C1GALT1: variants seen among roughly 807,000 people sequenced by gnomAD.
C1GALT1 encodes glycoprotein-N-acetylgalactosamine 3-beta-galactosyltransferase 1.
In C1GALT1, 11 loss-of-function variants were observed where a neutral mutation model predicts 31.0. That is an observed-to-expected ratio of 0.36 (90% CI 0.22 to 0.59). The LOEUF (loss-of-function observed/expected upper bound fraction) is 0.59, where lower values mean the gene tolerates loss of function less well. Among genes scored for constraint, C1GALT1 ranks in the 20% least tolerant of loss-of-function variants. C1GALT1 has a pLI of 0.79. For synonymous variants in C1GALT1, 175 were observed against 143.6 expected (o/e 1.22, Z -1.56); for missense variants, 424 against 425.2 (o/e 1.00, Z 0.03).
intron 1 of C1GALT1, among the ~76,000 whole-genome samples, chr7:7,183,083 C>G (rs1188968961): frequency 2.6e-5 from 4 of 152,164 alleles, no homozygotes; most frequent in Admixed American, 1.3e-4. Flanking sequence ...ATGTACCCTC[C>G]TCTTCGTCGT....
At chr7:7,157,930 G>C (rs922339026) in intron 2 of C1GALT1, among the ~76,000 whole-genome samples, 1 of 152,094 alleles carries the variant, frequency 6.6e-6, no homozygotes, top group Non-Finnish European at 1.5e-5. Context: ...GTTTCAAATT[G>C]TTCTTTATAT....
At chr7:7,198,484 C>T (rs1235610847) in intron 1 of C1GALT1, among the ~76,000 whole-genome samples, 2 of 152,180 alleles carry the variant, frequency 1.3e-5, no homozygotes, top group Non-Finnish European at 2.9e-5. Flanking sequence ...GGATATTGGT[C>T]TAAAATTCTC....
At chr7:7,188,170 A>G (rs1309763527) in intron 1 of C1GALT1, among the ~76,000 whole-genome samples, 5 of 152,180 alleles carry the variant, frequency 3.3e-5, no homozygotes, top group Non-Finnish European at 7.4e-5. Flanking sequence ...AAGACTTGGT[A>G]ATTGGATTTG....
intron 3 of C1GALT1, among the ~76,000 whole-genome samples, chr7:7,239,600 T>C (rs1200692256): frequency 6.6e-6 from 1 of 152,188 alleles, no homozygotes; most frequent in African/African-American, 2.4e-5. Context: ...TTAGTTGTTG[T>C]AATTACAACA....
intron 1 of C1GALT1, among the ~76,000 whole-genome samples, chr7:7,209,228 C>T (rs1374893254): frequency 6.6e-6 from 1 of 152,156 alleles, no homozygotes; most frequent in African/African-American, 2.4e-5. Flanking sequence ...GAAACGTGAC[C>T]TTCCATTATA....
chr7:7,228,847 G>A (rs759384971), intron 1 of C1GALT1, among the ~76,000 whole-genome samples: 1 of 152,160 alleles, frequency 6.6e-6, no homozygotes, highest in South Asian at 2.1e-4. Context: ...CAGGATAGAT[G>A]CCTTGCTTAA....
chr7:7,169,595 C>A (rs1353314940), intron 2 of C1GALT1, among the ~76,000 whole-genome samples: 3 of 151,108 alleles, frequency 2.0e-5, no homozygotes, highest in Non-Finnish European at 4.4e-5. Context: ...AATGGTACAT[C>A]ATTGTTGTTT....
chr7:7,242,210 C>CTTTTTTTTTTTTTTTTTTTTTTTTTTTTT (rs79025784), intron 3 of C1GALT1, among the ~76,000 whole-genome samples: 1 of 132,286 alleles, frequency 7.6e-6, no homozygotes. Flanking sequence ...TGAAATTTCA[C>CTTTTTTTTTTTTTTTTTTTTTTTTTTTTT]TTTTTTTTTT....
chr7:7,238,444 A>G lies in C1GALT1; in HGVS notation c.410A>G (p.Lys137Arg), dbSNP rs771348475. ...TTCCCTGCTGTGGGACTGAAAACCA[A>G]AGAAGGCAGAGATCAACTATACTGG... ...KDFPAVGLKTKEGRDQLYWKT... is the reference protein window; with the variant it reads ...KDFPAVGLKTREGRDQLYWKT... The change falls in exon 3 of 4, where the codon AAA (lysine) becomes AGA (arginine). Residue 137 changes from lysine to arginine, a missense_variant. Lys to Arg is a conservative substitution (Grantham distance 26). Around this residue, in one of 3 missense-constraint regions of C1GALT1, gnomAD observed 189 missense variants for 158.2 expected, o/e 1.19. Transcript: ENST00000436587. This position sits in a 1 kb window ranked among gnomAD's most constrained non-coding sequence, Gnocchi z 5.2. 1 of 1,613,908 alleles carries G rather than the reference A, an allele frequency of 6.2e-7. No individual in the cohort carries two copies. Among genetic ancestry groups the G allele is most frequent in the Non-Finnish European group, 8.5e-7 (1 of 1,179,946 alleles).
intron 1 of C1GALT1, among the ~76,000 whole-genome samples, chr7:7,215,909 G>A (rs1782216302): frequency 6.6e-6 from 1 of 152,036 alleles, no homozygotes; most frequent in South Asian, 2.1e-4. Flanking sequence ...CTTGCCTAAG[G>A]TCCTGCAATG....
intron 1 of C1GALT1, among the ~76,000 whole-genome samples, chr7:7,226,480 G>T (rs763902948): frequency 6.6e-6 from 1 of 152,108 alleles, no homozygotes; most frequent in Non-Finnish European, 1.5e-5. Flanking sequence ...TTAAAATCTT[G>T]GTGAAAGAAT....
intron 1 of C1GALT1, among the ~76,000 whole-genome samples, chr7:7,214,454 G>A (rs1489110068): frequency 6.6e-6 from 1 of 152,148 alleles, no homozygotes; most frequent in African/African-American, 2.4e-5. Context: ...AGCCTTTTAA[G>A]TATACCTATA....
At chr7:7,220,836 A>G (rs1171766297) in intron 1 of C1GALT1, among the ~76,000 whole-genome samples, 1 of 152,044 alleles carries the variant, frequency 6.6e-6, no homozygotes, top group African/African-American at 2.4e-5. Context: ...CTTCCCTCAC[A>G]CTTGTTGCAT....
chr7:7,188,769 C>T (rs1780930502), intron 1 of C1GALT1, among the ~76,000 whole-genome samples: 1 of 144,758 alleles, frequency 6.9e-6, no homozygotes, highest in Admixed American at 6.8e-5. Context: ...AAAAAATAAA[C>T]CTTTTATCTT....
chr7:7,182,870 C>G (rs1009872210), intron 1 of C1GALT1, 50 bp downstream of exon 1: 11 of 983,438 alleles, frequency 1.1e-5, no homozygotes, highest in Non-Finnish European at 1.3e-5. Flanking sequence ...GTCTCGTCTC[C>G]CCTCGCCCTC....
In C1GALT1 at chr7:7,243,631, ATACAGATATCAACCTACCT is replaced by A; in HGVS notation, c.1000_1018del (p.Arg334LeufsTer5). On this transcript the variant is annotated frameshift_variant, in exon 4 of 4. Coordinates refer to ENST00000436587, the MANE Select transcript of C1GALT1 (RefSeq NM_020156.5). LOFTEE classifies it high-confidence loss of function. ...ATCATCTTCGTCCATATGGTTATTT[ATACAGATATCAACCTACCT>A]TACCTGAACGTATACTAAAGGAAAT... is the stretch of plus-strand genomic sequence containing the variant. 2 of 1,612,528 alleles carry A rather than the reference ATACAGATATCAACCTACCT, an allele frequency of 1.2e-6. No homozygotes were observed. Among genetic ancestry groups the A allele is most frequent in the Non-Finnish European group, 1.7e-6 (2 of 1,179,226 alleles).
chr7:7,192,249 C>G (rs1412777093), intron 1 of C1GALT1, among the ~76,000 whole-genome samples: 2 of 151,900 alleles, frequency 1.3e-5, no homozygotes, highest in African/African-American at 4.8e-5. Context: ...CTCACCCAAG[C>G]AGTGTACACA....
intron 1 of C1GALT1, among the ~76,000 whole-genome samples, 180 bp downstream of exon 1, chr7:7,183,000 G>T (rs999746763): frequency 2.0e-5 from 3 of 152,112 alleles, no homozygotes; most frequent in African/African-American, 7.2e-5. Flanking sequence ...GAAGGCGCGA[G>T]GACTTCCCGC....
At chr7:7,204,243 T>C (rs1248933019) in intron 1 of C1GALT1, among the ~76,000 whole-genome samples, 1 of 151,978 alleles carries the variant, frequency 6.6e-6, no homozygotes, top group Non-Finnish European at 1.5e-5. Context: ...TGATTACTCA[T>C]TCAATCTCCA....
Sources: gnomAD v4.1 joint callset for allele counts (sites outside exome capture counted in the v4.1 genomes callset) on GRCh38, gnomAD v4.1.1 for gene constraint, gnomAD v4.1.1 regional missense constraint, Gnocchi (gnomAD v3.1) non-coding constraint, MANE v1.5 for transcripts, NCBI Gene and HGNC (gene_info 2026-07-23, HGNC 2026-07-21) for gene names.